WDHD1: variants seen among roughly 807,000 people sequenced by gnomAD.
WDHD1 encodes WD repeat and HMG-box DNA-binding protein 1.
Under a neutral mutation model 135.4 loss-of-function variants are expected in WDHD1, and 111 were observed. The observed-to-expected ratio is 0.82, with a 90% CI of 0.70 to 0.96. The LOEUF (loss-of-function observed/expected upper bound fraction) is 0.96. Among genes scored for constraint, WDHD1 ranks in the 40% least tolerant of loss-of-function variants. The pLI is 0.00. For synonymous variants in WDHD1, 434 were observed against 439.0 expected (o/e 0.99, Z 0.14); for missense variants, 1,351 against 1,336.3 (o/e 1.01, Z -0.17).
chr14:54,985,433 C>A (rs139553099), intron 14 of WDHD1, among the ~76,000 whole-genome samples: 19 of 152,000 alleles, frequency 1.3e-4, no homozygotes, highest in Admixed American at 1.0e-3. Context: ...ATGGAGGGCT[C>A]GAAGAACACA....
intron 2 of WDHD1, among the ~76,000 whole-genome samples, chr14:55,023,127 C>T (rs944860326): frequency 6.6e-5 from 10 of 152,074 alleles, no homozygotes; most frequent in Admixed American, 5.2e-4. Flanking sequence ...TTGACATTTT[C>T]GAAGCCAAAT....
chr14:55,007,308 C>G lies in WDHD1; in HGVS notation c.572G>C (p.Arg191Thr). ...CCCACTTTTTGGCTGCCAAGCAAGT[C>G]TGCAGATTGATTTTGCATTTATCAC... is the stretch of plus-strand genomic sequence containing the variant. Reference protein sequence around the residue: ...NDVINAKSICRLAWQPKSGKL... With the variant: ...NDVINAKSICTLAWQPKSGKL... Residue 191 changes from arginine to threonine, a missense_variant, in exon 7 of 26, where the codon AGA becomes ACA. Around this residue, in one of 2 missense-constraint regions of WDHD1, gnomAD observed 1,330 missense variants for 1,296.1 expected, o/e 1.03. Transcript: ENST00000360586. 2 of 1,605,210 alleles carry G rather than the reference C, an allele frequency of 1.2e-6. No homozygotes were observed. The highest frequency in any genetic ancestry group is 1.7e-6 in the Non-Finnish European group (2 of 1,177,556).
At chr14:54,984,459 C>T (rs1285632223) in intron 15 of WDHD1, among the ~76,000 whole-genome samples, 6 of 152,224 alleles carry the variant, frequency 3.9e-5, no homozygotes, top group Admixed American at 2.6e-4. Context: ...CATGCCACTG[C>T]ACTCCAGCCT....
intron 24 of WDHD1, among the ~76,000 whole-genome samples, chr14:54,953,821 A>G (rs1256587376): frequency 6.6e-6 from 1 of 152,200 alleles, no homozygotes; most frequent in Non-Finnish European, 1.5e-5. Context: ...TGTCCTTTGT[A>G]GGGACATGGA....
intron 21 of WDHD1, among the ~76,000 whole-genome samples, chr14:54,959,451 G>A (rs934670984): frequency 4.0e-5 from 6 of 151,116 alleles, no homozygotes; most frequent in African/African-American, 9.7e-5. Context: ...GAGGCAGGCA[G>A]GCAGGCAGGC....
chr14:55,026,863 G>A, intron 1 of WDHD1, 60 bp from the exon 2 acceptor site: 5 of 1,552,958 alleles, frequency 3.2e-6, no homozygotes, highest in Non-Finnish European at 4.4e-6. Flanking sequence ...AGCGAGGCTA[G>A]GGATAGGAAG....
At chr14:54,956,968 T>C (rs888730477) in intron 23 of WDHD1, 66 bp downstream of exon 23, 32 of 1,541,280 alleles carry the variant, frequency 2.1e-5, no homozygotes, top group African/African-American at 4.1e-5. Flanking sequence ...TCTGAAACAG[T>C]GAACAAAACT....
chr14:55,001,703 T>G (rs548599398), intron 8 of WDHD1, among the ~76,000 whole-genome samples: 1 of 152,246 alleles, frequency 6.6e-6, no homozygotes, highest in Non-Finnish European at 1.5e-5. Flanking sequence ...ATTGCTGACC[T>G]ACTGGGCTTA....
At chr14:54,964,939 T>C (rs1427867394) in intron 18 of WDHD1, among the ~76,000 whole-genome samples, 1 of 152,232 alleles carries the variant, frequency 6.6e-6, no homozygotes, top group East Asian at 1.9e-4. Flanking sequence ...CAAGTAACAC[T>C]TTATAAAAGG....
chr14:54,965,549 G>A (rs912883119), intron 18 of WDHD1, among the ~76,000 whole-genome samples: 1 of 152,188 alleles, frequency 6.6e-6, no homozygotes, highest in Non-Finnish European at 1.5e-5. Context: ...TAGAGCAGTG[G>A]TTCTCAGTTA....
Position 54,948,596 on chromosome 14 carries a change from C to A in WDHD1, c.3051-4126G>T, listed in dbSNP as rs983646843. Among the ~76,000 whole-genome samples, 4 of 152,186 alleles carry A rather than the reference C, an allele frequency of 2.6e-5. 1 individual carries two copies. The highest frequency in any genetic ancestry group is 9.7e-5 in the African/African-American group (4 of 41,450). ...GGGGCAGGGCATAGCCGAACAAAGG[C>A]AGCAGAAACCTCTACAGATTTAAAT... On this transcript the variant is annotated intron_variant, in intron 24 of 25. Transcript: ENST00000360586.
In WDHD1 at chr14:54,967,316, A is replaced by C. The variant is rs765769805; in HGVS notation, c.2142T>G (p.Pro714=). The C allele has an allele frequency of 6.2e-7, 1 of 1,612,518 alleles. No individual in the cohort carries two copies. The highest frequency in any genetic ancestry group is 1.7e-5 in the Admixed American group (1 of 59,940). ...PAVAILSFKL[P]YCQIATEKGQ... ...CTTTCTCTGTTGCAATCTGACAGTA[A>C]GGAAGCTTAAAGGATAATATAGCAA... The change falls in exon 17 of 26, where the codon CCT becomes CCG. Residue 714 remains proline (P), a synonymous_variant. Coordinates refer to ENST00000360586, the MANE Select transcript of WDHD1 (RefSeq NM_007086.4).
chr14:54,993,340 G>C (rs767216225), intron 11 of WDHD1, among the ~76,000 whole-genome samples: 7 of 151,998 alleles, frequency 4.6e-5, no homozygotes, highest in Non-Finnish European at 8.8e-5. Flanking sequence ...GGCTGGTCTT[G>C]AACTCCTGGC....
chr14:54,972,323 A>T (rs1316869987), intron 16 of WDHD1, among the ~76,000 whole-genome samples: 1 of 151,024 alleles, frequency 6.6e-6, no homozygotes, highest in Non-Finnish European at 1.5e-5. Context: ...TCATGTCTGT[A>T]ATCCCAGCAC....
chr14:54,972,806 G>A (rs969271317), intron 16 of WDHD1, among the ~76,000 whole-genome samples: 1 of 152,026 alleles, frequency 6.6e-6, no homozygotes, highest in African/African-American at 2.4e-5. Flanking sequence ...CAGAAAGATG[G>A]TGAAATGCCT....
At chr14:54,960,219 G>A (rs1219850570) in intron 21 of WDHD1, among the ~76,000 whole-genome samples, 1 of 152,194 alleles carries the variant, frequency 6.6e-6, no homozygotes, top group Non-Finnish European at 1.5e-5. Context: ...CCAGGCTGGA[G>A]TGCGGTGGTA....
chr14:54,957,709 G>T, intron 21 of WDHD1, 74 bp from the exon 22 acceptor site: 1 of 1,203,880 alleles, frequency 8.3e-7, no homozygotes, highest in East Asian at 2.4e-5. Context: ...ATACTAGACA[G>T]AGTATTTTAA....
chr14:55,004,143 T>G (rs1029255239), intron 7 of WDHD1, among the ~76,000 whole-genome samples: 2 of 152,210 alleles, frequency 1.3e-5, no homozygotes, highest in African/African-American at 2.4e-5. Flanking sequence ...TACCTATATA[T>G]AGACTCATCA....
rs760006892 is a variant in WDHD1, at chr14:54,966,475, C to A, written c.2310G>T (p.Ala770=). Residue 770 remains alanine, a splice_region_variant and synonymous_variant, in exon 18 of 26, where the codon GCG becomes GCT. Coordinates refer to ENST00000360586, the MANE Select transcript of WDHD1 (RefSeq NM_007086.4). Reference sequence around the variant, plus strand: ...TTTTCAGTATATTTATTTTACTCACCGCAAGCATTTTCATTAAAAGTTCCT... The same window carrying A: ...TTTTCAGTATATTTATTTTACTCACAGCAAGCATTTTCATTAAAAGTTCCT... The part of the protein sequence containing the change: ...EQQELLMKML[A]LSCKLEREFR... 1 of 1,596,326 alleles carries A rather than the reference C, an allele frequency of 6.3e-7. No homozygotes were observed. The highest frequency in any genetic ancestry group is 1.4e-5 in the African/African-American group (1 of 73,690).
Sources: gnomAD v4.1 joint callset for allele counts (sites outside exome capture counted in the v4.1 genomes callset) on GRCh38, gnomAD v4.1.1 for gene constraint, gnomAD v4.1.1 regional missense constraint, MANE v1.5 for transcripts, NCBI Gene and HGNC (gene_info 2026-07-23, HGNC 2026-07-21) for gene names.